The following L3MBTL4 variants were observed in gnomAD, a reference collection of about 807,000 sequenced individuals.
L3MBTL4 encodes the protein L3MBTL histone methyl-lysine binding protein 4.
L3MBTL4 carries 70 observed loss-of-function variants against 84.5 expected under a neutral mutation model. That is an observed-to-expected ratio of 0.83 (90% CI 0.68 to 1.01). L3MBTL4 has a LOEUF of 1.01. Among genes scored for constraint, L3MBTL4 ranks in the 50% least tolerant of loss-of-function variants. The pLI is 0.00. For missense variants in L3MBTL4, 715 were observed against 754.8 expected (o/e 0.95, Z 0.62); for synonymous variants, 274 against 259.8 (o/e 1.05, Z -0.52).
chr18:6,333,116 G>GT (rs1238244214), intron 1 of L3MBTL4, among the ~76,000 whole-genome samples: 6 of 145,076 alleles, frequency 4.1e-5, no homozygotes, highest in African/African-American at 1.6e-4. Flanking sequence ...TAGTTAAAAT[G>GT]TAAAAAAAAA....
In L3MBTL4 at chr18:6,121,612, G is replaced by T. The variant is rs186756048; in HGVS notation, c.1199+16582C>A. 3.6e-3 allele frequency among the ~76,000 whole-genome samples: 549 copies of T among 151,118 alleles called. 2 individuals carry two copies. The highest frequency in any genetic ancestry group is 0.013 in the African/African-American group (520 of 40,598). On this transcript the variant is annotated intron_variant, in intron 14 of 18. Coordinates refer to ENST00000317931, the MANE Select transcript of L3MBTL4 (RefSeq NM_001330559.2). ...CACTTTCACAGCCCTACACACCAAA[G>T]GGGAAGCAGACATTCAAGTAGATTC...
Position 6,239,810 on chromosome 18 carries a change from G to T in L3MBTL4, c.615C>A (p.Asn205Lys), listed in dbSNP as rs1397679607. 2.5e-6 allele frequency: 4 copies of T among 1,613,952 alleles called. No homozygotes were observed. Among genetic ancestry groups the T allele is most frequent in the Non-Finnish European group, 3.4e-6 (4 of 1,179,858 alleles). The stretch of plus-strand genomic sequence containing the variant: ...TGGTCGCCACACACACCAAGGAAGG[G>T]TTCTTCCTGTCCACGGCCTCCAGCT... ...GMKLEAVDRK[N>K]PSLVCVATIA... Residue 205 changes from asparagine (N) to lysine (K), a missense_variant, in exon 9 of 19, where the codon AAC becomes AAA. Asn to Lys is a moderately conservative substitution (Grantham distance 94). Coordinates refer to ENST00000317931, the MANE Select transcript of L3MBTL4 (RefSeq NM_001330559.2).
chr18:6,186,057 G>A (rs2044745377), intron 12 of L3MBTL4, among the ~76,000 whole-genome samples: 1 of 149,466 alleles, frequency 6.7e-6, no homozygotes. Flanking sequence ...TTGTTAACCA[G>A]GCTGGAGTGC....
chr18:6,158,390 G>T (rs974666603), intron 13 of L3MBTL4, among the ~76,000 whole-genome samples: 1 of 152,156 alleles, frequency 6.6e-6, no homozygotes, highest in African/African-American at 2.4e-5. Flanking sequence ...AGAGCCATCT[G>T]GTAGAAGAGC....
At chr18:6,129,910 C>A (rs2059822123) in intron 14 of L3MBTL4, among the ~76,000 whole-genome samples, 1 of 152,110 alleles carries the variant, frequency 6.6e-6, no homozygotes. Context: ...TCATGTTATT[C>A]AGATTCTGTA....
intron 16 of L3MBTL4, among the ~76,000 whole-genome samples, chr18:6,003,176 T>C (rs1363277441): frequency 7.0e-6 from 1 of 141,880 alleles, no homozygotes; most frequent in African/African-American, 2.6e-5. Flanking sequence ...TCTCTATTTA[T>C]AGAGATACTA....
At chr18:6,279,689 T>A (rs1040324579) in intron 4 of L3MBTL4, among the ~76,000 whole-genome samples, 3 of 152,196 alleles carry the variant, frequency 2.0e-5, no homozygotes, top group African/African-American at 7.2e-5. Context: ...TGAGACTCCA[T>A]AAAATATACT....
At chr18:6,002,820 T>G (rs2054271188) in intron 16 of L3MBTL4, among the ~76,000 whole-genome samples, 1 of 151,728 alleles carries the variant, frequency 6.6e-6, no homozygotes, top group Non-Finnish European at 1.5e-5. Context: ...AACAGTAAAA[T>G]GGAGGCAGTA....
chr18:6,045,125 G>GGTGCA (rs1271191556), intron 16 of L3MBTL4, among the ~76,000 whole-genome samples: 10 of 152,302 alleles, frequency 6.6e-5, no homozygotes, highest in Admixed American at 5.2e-4. Context: ...TACAGTTTCA[G>GGTGCA]AAAAGTAACT....
At position 5,976,695 on chromosome 18, in the gene L3MBTL4, G is replaced by T. The variant is rs575749165; in HGVS notation, c.1445-7133C>A. ...AGACTCTGAGCCATGTGTTTGTCTG[G>T]CTTATAACTGATGCTCAACAAATAC... is the stretch of plus-strand genomic sequence containing the variant. On this transcript the variant is annotated intron_variant, in intron 16 of 18. Coordinates refer to ENST00000317931, the MANE Select transcript of L3MBTL4 (RefSeq NM_001330559.2). Among the ~76,000 whole-genome samples the T allele has an allele frequency of 2.6e-5, 4 of 152,250 alleles. No individual in the cohort carries two copies. The South Asian group carries it at 8.3e-4, about 32-fold the overall frequency.
intron 13 of L3MBTL4, among the ~76,000 whole-genome samples, chr18:6,143,853 G>GC (rs1266126795): frequency 1.3e-5 from 2 of 152,114 alleles, no homozygotes; most frequent in African/African-American, 4.8e-5. Context: ...ACAGCGACTG[G>GC]CAGATAATAG....
intron 16 of L3MBTL4, 35 bp downstream of exon 16, chr18:6,080,846 T>G: frequency 2.1e-6 from 3 of 1,428,632 alleles, no homozygotes; most frequent in Non-Finnish European, 2.9e-6. Context: ...CAACAAAAAG[T>G]ATATTCTGTG....
At chr18:6,035,015 T>C (rs2056052779) in intron 16 of L3MBTL4, among the ~76,000 whole-genome samples, 1 of 151,896 alleles carries the variant, frequency 6.6e-6, no homozygotes, top group African/African-American at 2.4e-5. Flanking sequence ...TTCTTGTAAA[T>C]TTGTTTGAAT....
chr18:6,030,203 T>C (rs1309935839), intron 16 of L3MBTL4: 12 of 843,562 alleles, frequency 1.4e-5, no homozygotes, highest in Non-Finnish European at 1.7e-5. Context: ...AAGTATACAG[T>C]GATTATTCCA....
intron 3 of L3MBTL4, 105 bp downstream of exon 3, chr18:6,311,449 T>C (rs2050826142): frequency 5.8e-6 from 5 of 868,720 alleles, no homozygotes; most frequent in Non-Finnish European, 9.6e-6. Context: ...TCGTTTCAAG[T>C]GACTGAAAAG....
intron 1 of L3MBTL4, among the ~76,000 whole-genome samples, chr18:6,378,875 T>C (rs1353701134): frequency 6.6e-6 from 1 of 152,216 alleles, no homozygotes; most frequent in Admixed American, 6.5e-5. Flanking sequence ...GGTAGCTTGA[T>C]GGGGATAGCA....
At chr18:6,279,903 C>T (rs1329277517) in intron 4 of L3MBTL4, among the ~76,000 whole-genome samples, 1 of 152,152 alleles carries the variant, frequency 6.6e-6, no homozygotes, top group African/African-American at 2.4e-5. Flanking sequence ...GTTATTACTG[C>T]TACTTTCATT....
chr18:5,967,034 G>A (rs529196884), intron 17 of L3MBTL4, among the ~76,000 whole-genome samples: 12 of 152,150 alleles, frequency 7.9e-5, no homozygotes, highest in East Asian at 1.9e-4. Flanking sequence ...ACCTCTTCTC[G>A]TCTTATTCTC....
At chr18:6,079,479 A>G (rs2057994122) in intron 16 of L3MBTL4, among the ~76,000 whole-genome samples, 1 of 152,252 alleles carries the variant, frequency 6.6e-6, no homozygotes, top group African/African-American at 2.4e-5. Context: ...CTCCTTATAC[A>G]TGATGCAGAA....
Sources: allele counts gnomAD v4.1 joint callset (sites outside exome capture counted in the v4.1 genomes callset), GRCh38; gene constraint gnomAD v4.1.1; transcripts MANE v1.5; gene names NCBI Gene and HGNC (gene_info 2026-07-23, HGNC 2026-07-21).